The following CCDC73 variants were observed in gnomAD, a reference collection of about 807,000 sequenced individuals.
CCDC73 encodes coiled-coil domain containing 73, also known as coiled-coil domain-containing protein 73.
In CCDC73, 95 loss-of-function variants were observed where a neutral mutation model predicts 116.5. The ratio of observed to expected loss-of-function variants is 0.82; its 90% CI spans 0.69 to 0.97. The LOEUF is 0.97. Among genes scored for constraint, CCDC73 ranks in the 50% least tolerant of loss-of-function variants. The pLI is 0.00. For synonymous variants in CCDC73, 398 were observed against 401.3 expected, an observed-to-expected ratio of 0.99 and a Z score of 0.10; for missense variants, 1,066 against 1,206.8, an observed-to-expected ratio of 0.88 and a Z score of 1.73.
rs780139034 is a variant in CCDC73 at position 32,676,009 on chromosome 11, G to C, written c.442C>G (p.Gln148Glu). The C allele has an allele frequency of 6.3e-7, 1 of 1,593,442 alleles. No homozygotes were observed. Among genetic ancestry groups the C allele is most frequent in the Admixed American group, 1.8e-5 (1 of 54,706 alleles). ...TCTTCTTTAGCCAGAAGATGTAACT[G>C]GACCTTTTGTTCCTATTTTGAAGAG... ...KKVSEMEQKV[Q>E]LHLLAKEDYH... is the part of the protein sequence containing the mutation. The change falls in exon 8 of 18, where the codon CAG (glutamine) becomes GAG (glutamate). Residue 148 changes from glutamine to glutamate, a missense_variant. Gln to Glu is a conservative substitution (Grantham distance 29). Coordinates refer to ENST00000335185, the MANE Select transcript of CCDC73 (RefSeq NM_001008391.4).
intron 9 of CCDC73, among the ~76,000 whole-genome samples, chr11:32,666,951 C>G (rs1056818572): frequency 6.6e-6 from 1 of 152,178 alleles, no homozygotes; most frequent in African/African-American, 2.4e-5. Flanking sequence ...CTGGCTATCA[C>G]CAGCAGAGGC....
intron 16 of CCDC73, 127 bp downstream of exon 16, chr11:32,613,295 T>C: frequency 1.3e-6 from 1 of 776,198 alleles, no homozygotes; most frequent in Non-Finnish European, 2.0e-6. Context: ...CAAAAGAATA[T>C]TAAGTTGTTC....
chr11:32,784,207 G>C (rs898613508), intron 1 of CCDC73, among the ~76,000 whole-genome samples: 3 of 152,088 alleles, frequency 2.0e-5, no homozygotes, highest in Non-Finnish European at 4.4e-5. Context: ...GTGCATGCCT[G>C]TAATCCCAGC....
the CCDC73 span, among the ~76,000 whole-genome samples, chr11:32,818,229 C>CT: frequency 1.3e-5 from 2 of 152,204 alleles, no homozygotes; most frequent in African/African-American, 4.8e-5. Context: ...GTCCTCTGCC[C>CT]TTTCGGGCCG....
the CCDC73 span, among the ~76,000 whole-genome samples, chr11:32,808,450 C>A: frequency 6.6e-6 from 1 of 152,128 alleles, no homozygotes; most frequent in Admixed American, 6.5e-5. Flanking sequence ...ACCAGTCTGG[C>A]CAACATGGTG....
At chr11:32,763,961 C>A (rs1227031743) in intron 1 of CCDC73, among the ~76,000 whole-genome samples, 1 of 152,042 alleles carries the variant, frequency 6.6e-6, no homozygotes, top group East Asian at 1.9e-4. Context: ...AACTACATGA[C>A]GAATGCACAA....
At chr11:32,729,514 T>TGG (rs1850057624) in intron 2 of CCDC73, among the ~76,000 whole-genome samples, 5 of 152,316 alleles carry the variant, frequency 3.3e-5, no homozygotes, top group Middle Eastern at 3.4e-3. Flanking sequence ...TATAAAACAA[T>TGG]GTTTTAGATT....
At chr11:32,801,654 C>A in the CCDC73 span, among the ~76,000 whole-genome samples, 1,120 of 104,948 alleles carry the variant, frequency 0.011, 15 homozygotes, top group Non-Finnish European at 0.016. Flanking sequence ...AAAAAAAAAA[C>A]AAACACTAAC....
At chr11:32,763,113 G>A (rs1208627242) in intron 1 of CCDC73, among the ~76,000 whole-genome samples, 2 of 152,232 alleles carry the variant, frequency 1.3e-5, no homozygotes, top group Non-Finnish European at 2.9e-5. Flanking sequence ...CCCAAACTGG[G>A]TGGAGCCCAC....
chr11:32,748,832 C>A (rs1442076941), intron 2 of CCDC73, among the ~76,000 whole-genome samples: 1 of 152,152 alleles, frequency 6.6e-6, no homozygotes, highest in Admixed American at 6.5e-5. Context: ...ACATACTATT[C>A]TAGGGTAAAA....
rs906877254 is a variant in CCDC73 at position 32,631,320 on chromosome 11, T to C, written c.1185+4376A>G. 2.0e-4 allele frequency among the ~76,000 whole-genome samples: 30 copies of C among 152,286 alleles called. 1 individual carries two copies. The highest frequency in any genetic ancestry group is 6.7e-4 in the African/African-American group (28 of 41,554). On this transcript the variant is annotated intron_variant, in intron 14 of 17. Coordinates refer to ENST00000335185, the MANE Select transcript of CCDC73 (RefSeq NM_001008391.4). ...ACAGCACATGAAATATTCACCAAGATAGATAATACACTTGGCCAAAAAATA... is the reference window on the plus strand; with the variant it reads ...ACAGCACATGAAATATTCACCAAGACAGATAATACACTTGGCCAAAAAATA...
At chr11:32,714,605 A>T (rs1247440400) in intron 3 of CCDC73, among the ~76,000 whole-genome samples, 1 of 152,144 alleles carries the variant, frequency 6.6e-6, no homozygotes, top group African/African-American at 2.4e-5. Flanking sequence ...CATGTCTCCC[A>T]GATGAACAGA....
At chr11:32,607,963 G>A (rs1361212503) in intron 17 of CCDC73, among the ~76,000 whole-genome samples, 1 of 152,164 alleles carries the variant, frequency 6.6e-6, no homozygotes, top group Admixed American at 6.5e-5. Context: ...CTGATCTCAT[G>A]AGACTTATTC....
the CCDC73 span, among the ~76,000 whole-genome samples, chr11:32,811,794 T>C: frequency 3.3e-5 from 5 of 152,092 alleles, no homozygotes; most frequent in Non-Finnish European, 5.9e-5. Flanking sequence ...TCATGAGGGA[T>C]CCACCCTCAT....
At chr11:32,618,460 G>A (rs1286405839) in intron 14 of CCDC73, among the ~76,000 whole-genome samples, 1 of 152,078 alleles carries the variant, frequency 6.6e-6, no homozygotes, top group African/African-American at 2.4e-5. Flanking sequence ...TTTCCACAGT[G>A]GCTGAACTAA....
At chr11:32,750,943 G>A (rs1850282756) in intron 2 of CCDC73, among the ~76,000 whole-genome samples, 1 of 152,162 alleles carries the variant, frequency 6.6e-6, no homozygotes, top group Admixed American at 6.5e-5. Context: ...CAGCATGTCT[G>A]AGTCTCACCC....
rs1047641014 is a variant in CCDC73 at position 32,733,901 on chromosome 11, G to T, written c.136-15754C>A. ...AAACACATTCCAAAGGCAGCAGATGGCAAGAAATAACTAAGATCAGAGCAG... is the reference window on the plus strand; with the variant it reads ...AAACACATTCCAAAGGCAGCAGATGTCAAGAAATAACTAAGATCAGAGCAG... On this transcript the variant is annotated intron_variant, in intron 2 of 17. Transcript: ENST00000335185. 7.2e-5 allele frequency among the ~76,000 whole-genome samples: 11 copies of T among 152,066 alleles called. 1 individual carries two copies. The highest frequency in any genetic ancestry group is 6.5e-4 in the Admixed American group (10 of 15,270).
Position 32,702,881 on chromosome 11 carries a change from T to A in CCDC73, c.271A>T (p.Lys91Ter), listed in dbSNP as rs772481421. 2 of 1,608,608 alleles carry A rather than the reference T, an allele frequency of 1.2e-6. No homozygotes were observed. The highest frequency in any genetic ancestry group is 1.7e-6 in the Non-Finnish European group (2 of 1,174,960). The change falls in exon 4 of 18, where the codon AAA becomes TAA. Residue 91 changes from lysine (K) to a stop codon, truncating the protein, a stop_gained. Transcript: ENST00000335185. LOFTEE classifies it high-confidence loss of function. The part of the protein sequence containing the change: ...EQHKEAMAVF[K>*]KQLQMKMCAL... ...TATCCTTATGAAATTACCTGCTTTT[T>A]AAAAACTGCCATTGCTTCCTTGTGT...
chr11:32,755,917 A>ATATATATATC (rs1273555503), intron 2 of CCDC73, among the ~76,000 whole-genome samples: 2 of 48,364 alleles, frequency 4.1e-5, no homozygotes, highest in African/African-American at 8.3e-5. Context: ...ATATATCTCC[A>ATATATATATC]TATATATATC....
Sources: allele counts gnomAD v4.1 joint callset (sites outside exome capture counted in the v4.1 genomes callset), GRCh38; gene constraint gnomAD v4.1.1; transcripts MANE v1.5; gene names NCBI Gene and HGNC (gene_info 2026-07-23, HGNC 2026-07-21).